Variants in SNRPA1 observed in about 807,000 individuals in gnomAD.
SNRPA1 encodes the protein small nuclear ribonucleoprotein polypeptide A', also known as U2 small nuclear ribonucleoprotein A'.
A neutral mutation model predicts 32.3 loss-of-function variants in SNRPA1; 5 were observed. That is an observed-to-expected ratio of 0.15 (90% CI 0.08 to 0.33). SNRPA1 has a LOEUF of 0.33. SNRPA1 is among the 10% of genes least tolerant of loss of function. SNRPA1 has a pLI of 1.00. For missense variants in SNRPA1, 198 were observed against 311.1 expected (o/e 0.64, Z 2.74); for synonymous variants, 111 against 120.1 (o/e 0.92, Z 0.50).
chr15:101,287,732 C>G, intron 3 of SNRPA1, 30 bp from the exon 4 acceptor site: 1 of 1,602,894 alleles, frequency 6.2e-7, no homozygotes, highest in Non-Finnish European at 8.5e-7. Context: ...GGTAAGAACG[C>G]GAATACCACA....
chr15:101,287,944 C>T (rs1596471207), intron 3 of SNRPA1: 1 of 446,502 alleles, frequency 2.2e-6, no homozygotes, highest in East Asian at 3.8e-5. Flanking sequence ...TAAGAAATTG[C>T]TTTCCTACAG....
At position 101,286,214 on chromosome 15, in the gene SNRPA1, G is replaced by A. The variant is rs150109462; in HGVS notation, c.539C>T (p.Thr180Ile). The change falls in exon 6 of 9, where the codon ACT (threonine) becomes ATT (isoleucine). Residue 180 changes from threonine (T) to isoleucine (I), a missense_variant and splice_region_variant. Thr to Ile is a moderately conservative substitution (Grantham distance 89). This residue lies in a region of SNRPA1 where 77 missense variants were observed against 120.1 expected (regional missense o/e 0.64). Coordinates refer to ENST00000254193, the MANE Select transcript of SNRPA1 (RefSeq NM_003090.4). ...GTTAAGTTGGATATCCGTGTCTTAC[G>A]TTTTGCTTCTCCTGGCAATATCCTT... ...LAKDIARRSK[T>I]FNPGAGLPTD... 1.2e-6 allele frequency: 2 copies of A among 1,613,168 alleles called. No homozygotes were observed. The highest frequency in any genetic ancestry group is 1.7e-6 in the Non-Finnish European group (2 of 1,179,154).
At chr15:101,287,955 G>C in intron 3 of SNRPA1, 1 of 420,918 alleles carries the variant, frequency 2.4e-6, no homozygotes, top group South Asian at 2.9e-5. Context: ...TTTCCTACAG[G>C]AATCTCAAAG....
chr15:101,284,747 C>A, intron 8 of SNRPA1: 1 of 384,476 alleles, frequency 2.6e-6, no homozygotes, highest in South Asian at 2.3e-5. Flanking sequence ...GGTGATCCGC[C>A]CGCCTCAGGC....
At chr15:101,290,538 C>T (rs752261356) in intron 3 of SNRPA1, among the ~76,000 whole-genome samples, 5 of 151,298 alleles carry the variant, frequency 3.3e-5, no homozygotes, top group Non-Finnish European at 5.9e-5. Flanking sequence ...CAGGAAAATA[C>T]GGGAGGAAGG....
chr15:101,294,587 G>A (rs1375974371), intron 1 of SNRPA1, among the ~76,000 whole-genome samples: 1 of 152,136 alleles, frequency 6.6e-6, no homozygotes, highest in Admixed American at 6.5e-5. Flanking sequence ...TAGGGGAAAC[G>A]CCAGACAATT....
At chr15:101,284,942 C>A (rs773751306) in intron 8 of SNRPA1, 25 bp downstream of exon 8, 1 of 1,562,200 alleles carries the variant, frequency 6.4e-7, no homozygotes, top group South Asian at 1.1e-5. Flanking sequence ...TTAATTTGAA[C>A]ATACAAAGAA....
At chr15:101,295,009 C>T (rs2039572247) in intron 1 of SNRPA1, 88 bp downstream of exon 1, 1 of 862,164 alleles carries the variant, frequency 1.2e-6, no homozygotes, top group South Asian at 2.1e-5. Context: ...GCGGGCCAAG[C>T]TCCGGCCTTC....
At position 101,293,056 on chromosome 15, in the gene SNRPA1, T is replaced by C; in HGVS notation, c.199A>G (p.Lys67Glu). 1 of 1,611,872 alleles carries C rather than the reference T, an allele frequency of 6.2e-7. No individual in the cohort carries two copies. The highest frequency in any genetic ancestry group is 8.5e-7 in the Non-Finnish European group (1 of 1,179,144). The change falls in exon 2 of 9, where the codon AAA (lysine) becomes GAA (glutamate). Residue 67 changes from lysine to glutamate, a missense_variant. Coordinates refer to ENST00000254193, the MANE Select transcript of SNRPA1 (RefSeq NM_003090.4). ...LDGFPLLRRL[K>E]TLLVNNNRIC... ...CTGTTGTTGTTCACTAACAATGTTT[T>C]CAGTCTTCTCAACAAAGGAAAACCA...
At chr15:101,285,642 T>C (rs2039446435) in intron 7 of SNRPA1, 84 bp downstream of exon 7, 1 of 905,282 alleles carries the variant, frequency 1.1e-6, no homozygotes, top group Non-Finnish European at 1.8e-6. Context: ...AAATCTGCAA[T>C]GTTCGGAACA....
intron 1 of SNRPA1, among the ~76,000 whole-genome samples, chr15:101,293,641 C>T (rs907975706): frequency 1.6e-4 from 25 of 152,164 alleles, no homozygotes; most frequent in African/African-American, 5.8e-4. Context: ...AGAACAGCCT[C>T]AACATATCAC....
At chr15:101,286,375 G>C (rs1005187183) in intron 5 of SNRPA1, 82 bp from the exon 6 acceptor site, 3 of 1,267,964 alleles carry the variant, frequency 2.4e-6, no homozygotes, top group Non-Finnish European at 3.4e-6. Flanking sequence ...ACATGGAAGC[G>C]AACTCTCCTA....
intron 4 of SNRPA1, among the ~76,000 whole-genome samples, chr15:101,287,353 G>A (rs934427365): frequency 6.6e-6 from 1 of 151,606 alleles, no homozygotes; most frequent in African/African-American, 2.4e-5. Context: ...CCCCACAACA[G>A]GCCCCGGTGT....
At position 101,281,770 on chromosome 15, in the gene SNRPA1, T is replaced by A. The variant is rs2039397987; in HGVS notation, c.722A>T (p.Asp241Val). Residue 241 changes from aspartate to valine, a missense_variant, in exon 9 of 9, where the codon GAT becomes GTT. Transcript: ENST00000254193. ...GRERRSGPTD[D>V]GEEEMEEDTV... is the part of the protein sequence containing the mutation. The stretch of plus-strand genomic sequence containing the variant: ...GTCTTCTTCCATCTCTTCTTCACCA[T>A]CATCAGTGGGCCCTAAAGAAAACCA... The A allele has an allele frequency of 6.2e-7, 1 of 1,613,984 alleles. No homozygotes were observed. Among genetic ancestry groups the A allele is most frequent in the Admixed American group, 1.7e-5 (1 of 60,008 alleles).
rs2039453974 is a variant in SNRPA1 at position 101,286,297 on chromosome 15, C to T, written c.460-4G>A. ...TTTTCTCTGCTTCCTGACGCTCCTA[C>T]AGCGACACCACACACAGAGTTAATG... On this transcript the variant is annotated splice_region_variant and splice_polypyrimidine_tract_variant and intron_variant, in intron 5 of 8. Coordinates refer to ENST00000254193, the MANE Select transcript of SNRPA1 (RefSeq NM_003090.4). 6.2e-7 allele frequency: 1 copy of T among 1,613,378 alleles called. No individual in the cohort carries two copies. Among genetic ancestry groups the T allele is most frequent in the Admixed American group, 1.7e-5 (1 of 59,994 alleles).
intron 3 of SNRPA1, among the ~76,000 whole-genome samples, chr15:101,290,917 T>C (rs1030217261): frequency 2.0e-5 from 3 of 152,188 alleles, no homozygotes; most frequent in African/African-American, 7.2e-5. Context: ...AATTTTTGTA[T>C]TTTTAGTAGA....
At position 101,286,921 on chromosome 15, in the gene SNRPA1, T is replaced by A. The variant is rs2039461205; in HGVS notation, c.446A>T (p.Lys149Ile). ...ATTACTACTTACTTTTAGTTTCACT[T>A]TCTGGAAATCCAGTACTCTGACTTG... ...VPQVRVLDFQ[K>I]VKLKERQEAE... The change falls in exon 5 of 9, where the codon AAA becomes ATA. Residue 149 changes from lysine to isoleucine, a missense_variant. Coordinates refer to ENST00000254193, the MANE Select transcript of SNRPA1 (RefSeq NM_003090.4). The A allele has an allele frequency of 7.7e-6, 12 of 1,566,998 alleles. No individual in the cohort carries two copies. In the East Asian group the frequency reaches 2.7e-4, roughly 35 times the overall value.
At chr15:101,283,938 C>A (rs968326715) in intron 8 of SNRPA1, among the ~76,000 whole-genome samples, 7 of 152,242 alleles carry the variant, frequency 4.6e-5, no homozygotes, top group Non-Finnish European at 1.5e-5. Flanking sequence ...AAAACTCCGA[C>A]TCAAAAAGGA....
chr15:101,286,131 A>G (rs1393988755), intron 6 of SNRPA1, 83 bp downstream of exon 6: 1 of 1,196,472 alleles, frequency 8.4e-7, no homozygotes, highest in Non-Finnish European at 1.2e-6. Context: ...TTTTTGGTTA[A>G]TTTTGTAGGA....
Sources: gnomAD v4.1 joint callset for allele counts (sites outside exome capture counted in the v4.1 genomes callset) on GRCh38, gnomAD v4.1.1 for gene constraint, gnomAD v4.1.1 regional missense constraint, MANE v1.5 for transcripts, NCBI Gene and HGNC (gene_info 2026-07-23, HGNC 2026-07-21) for gene names.